Variants in TIA1 observed in about 807,000 individuals in gnomAD.
The protein encoded by TIA1 is TIA1 cytotoxic granule associated RNA binding protein.
In TIA1, 23 loss-of-function variants were observed where a neutral mutation model predicts 65.9. The ratio of observed to expected loss-of-function variants is 0.35; its 90% CI spans 0.25 to 0.49. TIA1 has a LOEUF of 0.49. Among genes scored for constraint, TIA1 ranks in the 20% least tolerant of loss-of-function variants. The probability of loss-of-function intolerance (pLI) is 0.98; values close to 1 mark genes in which losing one functional copy is unlikely to be tolerated. For synonymous variants in TIA1, 147 were observed against 149.4 expected (o/e 0.98, Z 0.12); for missense variants, 371 against 477.9 (o/e 0.78, Z 2.09).
At chr2:70,228,752 G>T in intron 5 of TIA1, 2 of 1,282,358 alleles carry the variant, frequency 1.6e-6, no homozygotes, top group East Asian at 3.5e-5. Context: ...TCAAGCATTT[G>T]GAAGATCTGG....
chr2:70,231,615 A>C (rs1250142540), intron 2 of TIA1, among the ~76,000 whole-genome samples: 1 of 152,166 alleles, frequency 6.6e-6, no homozygotes, highest in African/African-American at 2.4e-5. Flanking sequence ...CAAGCTACAC[A>C]GATTAAGTTT....
chr2:70,238,682 C>G (rs1558931662), intron 1 of TIA1, among the ~76,000 whole-genome samples: 1 of 152,008 alleles, frequency 6.6e-6, no homozygotes, highest in Non-Finnish European at 1.5e-5. Context: ...AGAAACATCA[C>G]AGATTATGAG....
Position 70,222,878 on chromosome 2 carries a change from C to T in TIA1, c.474+1676G>A, listed in dbSNP as rs368305093. The stretch of plus-strand genomic sequence containing the variant: ...GCAGTGAGCCGAAATTGCGCCATTG[C>T]GCTCCAGCCTGGGCAACAGAGCGAA... On this transcript the variant is annotated intron_variant, in intron 7 of 12. Coordinates refer to ENST00000433529, the MANE Select transcript of TIA1 (RefSeq NM_022173.4). 6.0e-4 allele frequency among the ~76,000 whole-genome samples: 92 copies of T among 152,290 alleles called. No homozygotes were observed. In the South Asian group the frequency reaches 9.5e-3, roughly 16 times the overall value.
chr2:70,235,031 GACAA>G (rs552786254), intron 2 of TIA1, among the ~76,000 whole-genome samples: 25 of 152,026 alleles, frequency 1.6e-4, no homozygotes, highest in East Asian at 3.9e-4. Context: ...TGTCTTTCAA[GACAA>G]ACAAACAAAC....
intron 7 of TIA1, among the ~76,000 whole-genome samples, chr2:70,222,667 G>A (rs928648318): frequency 3.3e-5 from 5 of 152,214 alleles, no homozygotes; most frequent in Non-Finnish European, 7.3e-5. Context: ...TGTAATCCCA[G>A]CACTCTGGGA....
Position 70,226,685 on chromosome 2 carries a change from C to T in TIA1, c.398+1050G>A, listed in dbSNP as rs150474070. 2.6e-4 allele frequency among the ~76,000 whole-genome samples: 40 copies of T among 152,132 alleles called. No homozygotes were observed. The East Asian group carries it at 6.6e-3, about 25-fold the overall frequency. ...CTAAGACTGTCTAAGTCCAGATATTCGAAAGCAAGCTAATTATTATTGAAA... is the reference window on the plus strand; with the variant it reads ...CTAAGACTGTCTAAGTCCAGATATTTGAAAGCAAGCTAATTATTATTGAAA... On this transcript the variant is annotated intron_variant, in intron 6 of 12. Coordinates refer to ENST00000433529, the MANE Select transcript of TIA1 (RefSeq NM_022173.4).
rs542607530 is a variant in TIA1, at chr2:70,239,155, T to C, written c.27-2980A>G. Among the ~76,000 whole-genome samples, 1,043 of 152,246 alleles carry C rather than the reference T, an allele frequency of 6.9e-3. 11 individuals carry two copies. Among genetic ancestry groups the C allele is most frequent in the African/African-American group, 0.024 (1,005 of 41,552 alleles). ...TCGCCCAGGCTGGAGTGCAGTGGCG[T>C]GATCTCGGCTCACTGCAAGCTCCGC... is the stretch of plus-strand genomic sequence containing the variant. On this transcript the variant is annotated intron_variant, in intron 1 of 12. Coordinates refer to ENST00000433529, the MANE Select transcript of TIA1 (RefSeq NM_022173.4).
In TIA1 at chr2:70,248,475, C is replaced by T; in HGVS notation, c.-45G>A. 1 of 1,600,764 alleles carries T rather than the reference C, an allele frequency of 6.2e-7. No homozygotes were observed. The highest frequency in any genetic ancestry group is 8.5e-7 in the Non-Finnish European group (1 of 1,179,952). On this transcript the variant is annotated 5_prime_UTR_variant, in exon 1 of 13. Transcript: ENST00000433529. Reference sequence around the variant, plus strand: ...GCGCCTCCAGGTCCAGCTCCCTGCCCTTCACTACCTCCCAAATCGTTTAAG... The same window carrying T: ...GCGCCTCCAGGTCCAGCTCCCTGCCTTTCACTACCTCCCAAATCGTTTAAG...
Position 70,209,843 on chromosome 2 carries a change from G to C in TIA1, c.*2876C>G, listed in dbSNP as rs1380401878. The stretch of plus-strand genomic sequence containing the variant: ...CCTCAGGACCACTGTACAGCACTTA[G>C]TAAACCTGTCTTTGTACATGCAATC... On this transcript the variant is annotated 3_prime_UTR_variant, in exon 13 of 13. Coordinates refer to ENST00000433529, the MANE Select transcript of TIA1 (RefSeq NM_022173.4). 2.5e-6 allele frequency: 1 copy of C among 397,072 alleles called. No individual in the cohort carries two copies. The highest frequency in any genetic ancestry group is 2.1e-5 in the African/African-American group (1 of 48,588). 24.6% of individuals were successfully genotyped at this position (397,072 alleles called of 1,614,324 possible). A position where few individuals can be genotyped will look rare whatever the true frequency, so the allele number is the denominator to read the frequency against.
intron 1 of TIA1, among the ~76,000 whole-genome samples, chr2:70,245,554 C>T (rs551365792): frequency 1.1e-4 from 17 of 152,244 alleles, no homozygotes; most frequent in African/African-American, 2.6e-4. Flanking sequence ...TCACTATACA[C>T]GTATTTTTAT....
chr2:70,246,305 T>C (rs868028094), intron 1 of TIA1, among the ~76,000 whole-genome samples: 2 of 152,250 alleles, frequency 1.3e-5, no homozygotes, highest in African/African-American at 4.8e-5. Flanking sequence ...GCTGTGTTTT[T>C]AATGTGCTAA....
At chr2:70,240,549 C>A (rs1691197119) in intron 1 of TIA1, among the ~76,000 whole-genome samples, 1 of 152,120 alleles carries the variant, frequency 6.6e-6, no homozygotes, top group Non-Finnish European at 1.5e-5. Flanking sequence ...CATAGCAAGA[C>A]CTCATTTCTA....
intron 1 of TIA1, among the ~76,000 whole-genome samples, chr2:70,241,985 T>G (rs927304875): frequency 5.3e-5 from 8 of 151,956 alleles, no homozygotes; most frequent in Non-Finnish European, 8.8e-5. Flanking sequence ...CGAAATGCAA[T>G]GTGGTATTTT....
intron 11 of TIA1, chr2:70,215,124 C>G: frequency 2.2e-6 from 1 of 444,738 alleles, no homozygotes; most frequent in Non-Finnish European, 4.0e-6. Context: ...AGATGTAATA[C>G]CCTTTTAGGT....
intron 1 of TIA1, among the ~76,000 whole-genome samples, chr2:70,240,803 T>C (rs939519383): frequency 1.3e-5 from 2 of 151,724 alleles, no homozygotes; most frequent in Admixed American, 1.3e-4. Context: ...ACTTGGGAGG[T>C]GGACATTGCA....
In TIA1 at chr2:70,243,937, G is replaced by T. The variant is rs531915744; in HGVS notation, c.26+4468C>A. Among the ~76,000 whole-genome samples the T allele has an allele frequency of 4.6e-5, 7 of 152,276 alleles. No individual in the cohort carries two copies. The East Asian group carries it at 1.4e-3, about 29-fold the overall frequency. ...GGCTACTTGCTTTTGCCAGTTTTAA[G>T]GTTAAGATAGGCTATACCACTACTC... On this transcript the variant is annotated intron_variant, in intron 1 of 12. Coordinates refer to ENST00000433529, the MANE Select transcript of TIA1 (RefSeq NM_022173.4).
chr2:70,218,831 TAA>T (rs1679908763), intron 7 of TIA1, among the ~76,000 whole-genome samples: 1 of 152,206 alleles, frequency 6.6e-6, no homozygotes, highest in East Asian at 1.9e-4. Flanking sequence ...TCTAGATTTT[TAA>T]AAAGTGTTGG....
chr2:70,242,194 A>G (rs1175535528), intron 1 of TIA1, among the ~76,000 whole-genome samples: 1 of 152,078 alleles, frequency 6.6e-6, no homozygotes, highest in Non-Finnish European at 1.5e-5. Context: ...CTATCTCTGC[A>G]TCTCTTGTGT....
At chr2:70,237,594 G>A (rs1483578865) in intron 1 of TIA1, among the ~76,000 whole-genome samples, 4 of 152,098 alleles carry the variant, frequency 2.6e-5, no homozygotes, top group African/African-American at 9.7e-5. Context: ...GCTGGGCGAG[G>A]TGGCTCACAC....
Sources: gnomAD v4.1 joint callset for allele counts (sites outside exome capture counted in the v4.1 genomes callset) on GRCh38, gnomAD v4.1.1 for gene constraint, MANE v1.5 for transcripts, NCBI Gene and HGNC (gene_info 2026-07-23, HGNC 2026-07-21) for gene names.